The following ARHGAP8 variants were observed in gnomAD, a reference collection of about 807,000 sequenced individuals.
ARHGAP8 encodes the protein rho GTPase-activating protein 8.
Under a neutral mutation model 46.1 loss-of-function variants are expected in ARHGAP8, and 62 were observed. The ratio of observed to expected loss-of-function variants is 1.34; its 90% CI spans 1.10 to 1.66. The LOEUF (loss-of-function observed/expected upper bound fraction) is 1.66, where lower values mean the gene tolerates loss of function less well. Ranked by LOEUF, ARHGAP8 falls within the 40% of genes most tolerant of loss-of-function variation. ARHGAP8 has a pLI of 0.00. For missense variants in ARHGAP8, 923 were observed against 568.4 expected (o/e 1.62, Z -6.34); for synonymous variants, 375 against 243.1 (o/e 1.54, Z -5.05).
chr22:44,848,836 T>C, intron 9 of ARHGAP8, 96 bp from the exon 10 acceptor site: 1 of 1,571,532 alleles, frequency 6.4e-7, no homozygotes, highest in Non-Finnish European at 8.6e-7. Flanking sequence ...GTGCGTCCCA[T>C]CCGGACATCT....
intron 1 of ARHGAP8, among the ~76,000 whole-genome samples, chr22:44,762,149 G>A (rs1182210555): frequency 6.6e-6 from 1 of 152,218 alleles, no homozygotes; most frequent in East Asian, 1.9e-4. Context: ...GTGGTATAAT[G>A]AATCTTAGCT....
At chr22:44,861,981 G>C (rs551376267) in intron 11 of ARHGAP8, among the ~76,000 whole-genome samples, 1 of 152,198 alleles carries the variant, frequency 6.6e-6, no homozygotes, top group Non-Finnish European at 1.5e-5. Context: ...CCCCAAGATT[G>C]CATCTCCCCA....
intron 11 of ARHGAP8, among the ~76,000 whole-genome samples, chr22:44,861,827 C>A (rs181815611): frequency 1.3e-5 from 2 of 152,144 alleles, no homozygotes; most frequent in African/African-American, 2.4e-5. Flanking sequence ...GGAGCCCCTT[C>A]TAGCAGGCAA....
intron 2 of ARHGAP8, among the ~76,000 whole-genome samples, chr22:44,791,855 T>C (rs1031873229): frequency 3.9e-5 from 6 of 152,166 alleles, no homozygotes; most frequent in African/African-American, 1.4e-4. Flanking sequence ...GAGAAGAGCT[T>C]AGTGGAAGCC....
At chr22:44,772,361 T>C (rs530566537) in intron 1 of ARHGAP8, among the ~76,000 whole-genome samples, 1 of 146,660 alleles carries the variant, frequency 6.8e-6, no homozygotes, top group Admixed American at 6.8e-5. Context: ...TCTTTTTTTT[T>C]TTTTTTTAAG....
chr22:44,823,058 A>G (rs1930267648), intron 6 of ARHGAP8, among the ~76,000 whole-genome samples: 1 of 152,220 alleles, frequency 6.6e-6, no homozygotes, highest in Admixed American at 6.5e-5. Context: ...TCCCTCTCTG[A>G]GGCGCTCCTT....
intron 5 of ARHGAP8, 103 bp downstream of exon 5, chr22:44,814,861 C>G (rs761125058): frequency 1.5e-6 from 2 of 1,371,846 alleles, no homozygotes; most frequent in Non-Finnish European, 2.0e-6. Context: ...GGGCCCGTCT[C>G]CAGGGTGCCT....
At chr22:44,752,887 C>CT (rs1463348895) in intron 1 of ARHGAP8, 6 of 150,946 alleles carry the variant, frequency 4.0e-5, no homozygotes, top group Non-Finnish European at 7.4e-5. Context: ...CCCTCCTCTG[C>CT]TTTTTCCCCT....
At chr22:44,795,394 C>A (rs116405993) in intron 2 of ARHGAP8, among the ~76,000 whole-genome samples, 1,822 of 152,204 alleles carry the variant, frequency 0.012, 31 homozygotes, top group African/African-American at 0.042. Context: ...ACCTCGGGCC[C>A]TGTGGCTGGC....
intron 1 of ARHGAP8, among the ~76,000 whole-genome samples, chr22:44,770,700 C>T (rs1925935368): frequency 6.6e-6 from 1 of 152,138 alleles, no homozygotes; most frequent in South Asian, 2.1e-4. Flanking sequence ...GCCACTATGC[C>T]CAGCCTAATC....
At chr22:44,791,971 A>G (rs909756970) in intron 2 of ARHGAP8, among the ~76,000 whole-genome samples, 2 of 152,028 alleles carry the variant, frequency 1.3e-5, no homozygotes, top group Non-Finnish European at 2.9e-5. Context: ...TATTACAGCA[A>G]AACTTCCAAT....
intron 1 of ARHGAP8, among the ~76,000 whole-genome samples, chr22:44,757,384 TCTC>T (rs1924768697): frequency 6.6e-6 from 1 of 152,132 alleles, no homozygotes; most frequent in African/African-American, 2.4e-5. Flanking sequence ...TTCAAGCTAT[TCTC>T]CTGCCTCAGC....
At chr22:44,794,530 G>A (rs775109810) in intron 2 of ARHGAP8, among the ~76,000 whole-genome samples, 35 of 152,104 alleles carry the variant, frequency 2.3e-4, no homozygotes, top group South Asian at 8.3e-4. Context: ...CCAACATGGC[G>A]AAACCTCATC....
chr22:44,784,336 G>A (rs973332588), intron 1 of ARHGAP8, among the ~76,000 whole-genome samples: 1 of 152,152 alleles, frequency 6.6e-6, no homozygotes, highest in Non-Finnish European at 1.5e-5. Context: ...TCCAGGTGGT[G>A]GAGGTTGCAG....
At chr22:44,800,100 C>CTGT (rs1928385470) in intron 2 of ARHGAP8, among the ~76,000 whole-genome samples, 1 of 92,556 alleles carries the variant, frequency 1.1e-5, no homozygotes. Context: ...TCTGTTCTGT[C>CTGT]TTTTTTTTTT....
chr22:44,842,174 T>A (rs897469841), intron 7 of ARHGAP8, among the ~76,000 whole-genome samples: 1 of 152,120 alleles, frequency 6.6e-6, no homozygotes, highest in African/African-American at 2.4e-5. Context: ...CTGGCCAACA[T>A]GGTGAAACCC....
intron 4 of ARHGAP8, among the ~76,000 whole-genome samples, chr22:44,812,832 G>A (rs1192098037): frequency 6.6e-6 from 1 of 152,168 alleles, no homozygotes; most frequent in Non-Finnish European, 1.5e-5. Flanking sequence ...ACGAAGGGAA[G>A]AGCTTTTTCT....
intron 10 of ARHGAP8, 131 bp downstream of exon 10, chr22:44,849,191 A>G (rs997763268): frequency 1.2e-5 from 18 of 1,517,722 alleles, no homozygotes; most frequent in Non-Finnish European, 1.1e-5. Flanking sequence ...GCCATCTGGC[A>G]CTGCAGGGCA....
chr22:44,852,355 C>G (rs560081308), intron 10 of ARHGAP8, among the ~76,000 whole-genome samples: 3 of 150,912 alleles, frequency 2.0e-5, no homozygotes, highest in Admixed American at 6.6e-5. Flanking sequence ...ATAAGGCACC[C>G]TCTGGACATA....
Sources: allele counts gnomAD v4.1 joint callset (sites outside exome capture counted in the v4.1 genomes callset), GRCh38; gene constraint gnomAD v4.1.1; transcripts MANE v1.5; gene names NCBI Gene and HGNC (gene_info 2026-07-23, HGNC 2026-07-21).